CYP4Z1: variants seen among roughly 807,000 people sequenced by gnomAD.
The protein encoded by CYP4Z1 is cytochrome P450 4Z1.
A neutral mutation model predicts 54.2 loss-of-function variants in CYP4Z1; 41 were observed. The ratio of observed to expected loss-of-function variants is 0.76; its 90% CI spans 0.59 to 0.98. The LOEUF is 0.98. Among genes scored for constraint, CYP4Z1 ranks in the 50% least tolerant of loss-of-function variants. The probability of loss-of-function intolerance (pLI) is 0.00; values close to 1 mark genes in which losing one functional copy is unlikely to be tolerated. For synonymous variants in CYP4Z1, 163 were observed against 206.2 expected, an observed-to-expected ratio of 0.79 and a Z score of 1.79; for missense variants, 513 against 599.0, an observed-to-expected ratio of 0.86 and a Z score of 1.50.
intron 7 of CYP4Z1, among the ~76,000 whole-genome samples, chr1:47,098,875 A>G (rs1048798294): frequency 8.5e-5 from 13 of 152,210 alleles, no homozygotes; most frequent in Non-Finnish European, 1.5e-4. Context: ...AGGACTCTCA[A>G]TTTATTCTGC....
chr1:47,100,033 A>C (rs4492665), intron 8 of CYP4Z1, among the ~76,000 whole-genome samples: 5 of 151,460 alleles, frequency 3.3e-5, no homozygotes, highest in African/African-American at 1.2e-4. Context: ...AATAACATTC[A>C]TTCTTTGTTT....
chr1:47,078,955 C>G (rs942652407), intron 2 of CYP4Z1, among the ~76,000 whole-genome samples: 2 of 151,898 alleles, frequency 1.3e-5, no homozygotes, highest in African/African-American at 4.8e-5. Flanking sequence ...GCTTTTCCTT[C>G]TAGTTTTTGG....
At chr1:47,064,528 A>G (rs1281778443), upstream of CYP4Z1, among the ~76,000 whole-genome samples, 1 of 152,210 alleles carries the variant, frequency 6.6e-6, no homozygotes, top group East Asian at 1.9e-4. Flanking sequence ...AGCCAGCACT[A>G]AAAGAACTGC....
rs368048506 is a variant in CYP4Z1, at chr1:47,084,846, G to A, written c.640G>A (p.Ala214Thr). 21 of 1,520,776 alleles carry A rather than the reference G, an allele frequency of 1.4e-5. No homozygotes were observed. The African/African-American group carries it at 2.2e-4, about 16-fold the overall frequency. 94.2% of individuals were successfully genotyped at this position (1,520,776 alleles called of 1,614,324 possible). A position where few individuals can be genotyped will look rare whatever the true frequency, so the allele number is the denominator to read the frequency against. The change falls in exon 6 of 12, where the codon GCA becomes ACA. Residue 214 changes from alanine (A) to threonine (T), a missense_variant. By Grantham distance (58) the Ala-to-Thr change is moderately conservative (BLOSUM62 0). Coordinates refer to ENST00000334194, the MANE Select transcript of CYP4Z1 (RefSeq NM_178134.3). ...LDSTLDSYLK[A>T]VFNLSKISNQ... is the part of the protein sequence containing the mutation. Reference sequence around the variant, plus strand: ...CAGTACCCTGGACTCATACCTGAAAGCAGTGTTCAACCTTAGCAAAATCTC... The same window carrying A: ...CAGTACCCTGGACTCATACCTGAAAACAGTGTTCAACCTTAGCAAAATCTC...
intron 8 of CYP4Z1, among the ~76,000 whole-genome samples, chr1:47,104,067 G>A (rs1206296379): frequency 1.3e-5 from 2 of 152,154 alleles, no homozygotes; most frequent in African/African-American, 2.4e-5. Context: ...TGCATCTTGT[G>A]TAACAGTTGC....
chr1:47,115,704 G>T lies in CYP4Z1; in HGVS notation c.1266+111G>T. ...GGATAACGATCTGTCATTTAGAAAA[G>T]AACAAAACAGAACAAAAACCCTATG... On this transcript the variant is annotated intron_variant, in intron 10 of 11. Transcript: ENST00000334194. 3.1e-6 allele frequency: 3 copies of T among 954,648 alleles called. No homozygotes were observed. In the South Asian group the frequency reaches 4.5e-5, roughly 14 times the overall value. The allele number at this position is 954,648 out of a possible 1,614,324, so 59.1% of individuals were successfully genotyped here.
chr1:47,065,772 G>A (rs1398491405), upstream of CYP4Z1, among the ~76,000 whole-genome samples: 1 of 151,988 alleles, frequency 6.6e-6, no homozygotes, highest in African/African-American at 2.4e-5. Context: ...TAAAATTGAT[G>A]AACCATTAGT....
At chr1:47,080,079 G>A (rs1292393974) in intron 2 of CYP4Z1, among the ~76,000 whole-genome samples, 1 of 148,578 alleles carries the variant, frequency 6.7e-6, no homozygotes, top group Non-Finnish European at 1.5e-5. Flanking sequence ...CCCACATAAA[G>A]ATGTTGATGG....
intron 6 of CYP4Z1, among the ~76,000 whole-genome samples, chr1:47,087,311 T>C (rs1005816276): frequency 3.2e-4 from 48 of 152,210 alleles, no homozygotes; most frequent in Non-Finnish European, 5.1e-4. Context: ...ACGATATTGA[T>C]TCTTCCTACC....
intron 6 of CYP4Z1, among the ~76,000 whole-genome samples, chr1:47,086,809 G>A (rs906338765): frequency 2.0e-5 from 3 of 152,140 alleles, no homozygotes; most frequent in African/African-American, 7.2e-5. Context: ...TTTTCTTCTA[G>A]GGTTTTTATG....
chr1:47,100,316 C>T (rs1345559095), intron 8 of CYP4Z1, among the ~76,000 whole-genome samples: 1 of 152,150 alleles, frequency 6.6e-6, no homozygotes, highest in East Asian at 1.9e-4. Flanking sequence ...TACAATAGCG[C>T]CCTCTTGTCT....
At chr1:47,073,964 T>C (rs1644500345) in intron 2 of CYP4Z1, among the ~76,000 whole-genome samples, 3 of 151,552 alleles carry the variant, frequency 2.0e-5, no homozygotes, top group Admixed American at 2.0e-4. Flanking sequence ...TCTAACTTAT[T>C]TATTTTTCCT....
At position 47,082,366 on chromosome 1, in the gene CYP4Z1, T is replaced by A. The variant is rs371107865; in HGVS notation, c.397T>A (p.Trp133Arg). Reference sequence around the variant, plus strand: ...ACTTGTGACCCTGGATGGTTCTAAATGGAAAAAGCACCGCCAGATTGTGAA... The same window carrying A: ...ACTTGTGACCCTGGATGGTTCTAAAAGGAAAAAGCACCGCCAGATTGTGAA... ...RGLVTLDGSK[W>R]KKHRQIVKPG... The change falls in exon 4 of 12, where the codon TGG becomes AGG. Residue 133 changes from tryptophan (W) to arginine (R), a missense_variant. Coordinates refer to ENST00000334194, the MANE Select transcript of CYP4Z1 (RefSeq NM_178134.3). 2.2e-5 allele frequency: 36 copies of A among 1,612,400 alleles called. No homozygotes were observed. Among genetic ancestry groups the A allele is most frequent in the Non-Finnish European group, 9.3e-6 (11 of 1,179,424 alleles).
chr1:47,108,763 A>G (rs1189994174), intron 9 of CYP4Z1, among the ~76,000 whole-genome samples: 1 of 152,002 alleles, frequency 6.6e-6, no homozygotes, highest in Non-Finnish European at 1.5e-5. Context: ...CATGTCATCT[A>G]CCTCCTTCCC....
At chr1:47,108,351 T>C (rs1386636761) in intron 9 of CYP4Z1, among the ~76,000 whole-genome samples, 1 of 152,218 alleles carries the variant, frequency 6.6e-6, no homozygotes, top group Admixed American at 6.5e-5. Context: ...CTGTCACTCA[T>C]CAGTAATTCA....
the CYP4Z1 span, among the ~76,000 whole-genome samples, chr1:47,061,749 A>G: frequency 6.6e-6 from 1 of 152,210 alleles, no homozygotes; most frequent in Admixed American, 6.5e-5. Context: ...CTTCAGACCA[A>G]TATTCTTGAT....
chr1:47,095,801 T>C (rs1385982216), intron 7 of CYP4Z1, among the ~76,000 whole-genome samples: 1 of 152,210 alleles, frequency 6.6e-6, no homozygotes, highest in Non-Finnish European at 1.5e-5. Context: ...CCATTTCCGT[T>C]GTACCAAATG....
chr1:47,068,299 A>G (rs991471857), intron 1 of CYP4Z1, among the ~76,000 whole-genome samples: 23 of 152,230 alleles, frequency 1.5e-4, no homozygotes, highest in African/African-American at 4.8e-4. Flanking sequence ...TCTTCCTATT[A>G]TACACGTGAG....
intron 8 of CYP4Z1, among the ~76,000 whole-genome samples, chr1:47,102,610 A>G (rs1170448726): frequency 2.0e-5 from 3 of 152,244 alleles, no homozygotes; most frequent in African/African-American, 7.2e-5. Context: ...TTGACTAACC[A>G]TTGTTTTCTT....
Sources: gnomAD v4.1 joint callset for allele counts (sites outside exome capture counted in the v4.1 genomes callset) on GRCh38, gnomAD v4.1.1 for gene constraint, MANE v1.5 for transcripts, NCBI Gene and HGNC (gene_info 2026-07-23, HGNC 2026-07-21) for gene names.